Variants in TMEM207 observed in about 807,000 individuals in gnomAD.
TMEM207 encodes SRSR846.
Under a neutral mutation model 17.4 loss-of-function variants are expected in TMEM207, and 15 were observed. The ratio of observed to expected loss-of-function variants is 0.86; its 90% CI spans 0.58 to 1.33. TMEM207 has a LOEUF of 1.33. Ranked by LOEUF, TMEM207 falls within the 40% of genes most tolerant of loss-of-function variation. The pLI, the probability that TMEM207 is intolerant of heterozygous loss-of-function variation, is 0.00. For missense variants in TMEM207, 205 were observed against 173.8 expected, an observed-to-expected ratio of 1.18 and a Z score of -1.01; for synonymous variants, 70 against 65.6, an observed-to-expected ratio of 1.07 and a Z score of -0.33.
chr3:190,441,508 C>G, intron 2 of TMEM207, 26 bp from the exon 3 acceptor site: 1 of 1,597,074 alleles, frequency 6.3e-7, no homozygotes, highest in Admixed American at 1.7e-5. Flanking sequence ...GAGCGTTAGT[C>G]CTGGAACTCA....
At chr3:190,431,154 T>C (rs554728577) in intron 4 of TMEM207, among the ~76,000 whole-genome samples, 1 of 152,270 alleles carries the variant, frequency 6.6e-6, no homozygotes, top group South Asian at 2.1e-4. Context: ...TTAGCACTTT[T>C]CTTAGAGTTA....
intron 1 of TMEM207, among the ~76,000 whole-genome samples, chr3:190,448,106 T>C (rs1720089601): frequency 6.6e-6 from 1 of 152,160 alleles, no homozygotes. Flanking sequence ...GTTTTTTCTA[T>C]ATGCAGATTT....
At chr3:190,440,929 C>T (rs1349904250) in intron 3 of TMEM207, among the ~76,000 whole-genome samples, 1 of 152,122 alleles carries the variant, frequency 6.6e-6, no homozygotes, top group Non-Finnish European at 1.5e-5. Flanking sequence ...ATTAGCTGGG[C>T]GTGATGGCGG....
intron 4 of TMEM207, among the ~76,000 whole-genome samples, chr3:190,438,380 A>T (rs1719851167): frequency 6.6e-6 from 1 of 151,890 alleles, no homozygotes; most frequent in East Asian, 1.9e-4. Flanking sequence ...GTGCTAGCAC[A>T]TGCAGATTGC....
At position 190,441,403 on chromosome 3, in the gene TMEM207, A is replaced by G. The variant is rs1036251026; in HGVS notation, c.158+35T>C. ...TAGGACAAAGACTGTATATACCACC[A>G]ACTGTCATATAAAACAAATGGAAGA... On this transcript the variant is annotated intron_variant, in intron 3 of 4. Transcript: ENST00000354905. 1.9e-6 allele frequency: 3 copies of G among 1,540,260 alleles called. No homozygotes were observed. In the Admixed American group the frequency reaches 5.1e-5, roughly 26 times the overall value.
intron 2 of TMEM207, among the ~76,000 whole-genome samples, chr3:190,442,311 T>C (rs1719952923): frequency 6.6e-6 from 1 of 152,240 alleles, no homozygotes; most frequent in Non-Finnish European, 1.5e-5. Flanking sequence ...CACAGTCAGA[T>C]ACACTTCTGA....
intron 1 of TMEM207, 82 bp downstream of exon 1, chr3:190,449,653 C>CA: frequency 7.9e-7 from 1 of 1,272,090 alleles, no homozygotes; most frequent in African/African-American, 1.5e-5. Flanking sequence ...AAGTTGCTCA[C>CA]ATATAAATCT....
chr3:190,437,854 T>C (rs1036719845), intron 4 of TMEM207, among the ~76,000 whole-genome samples: 5 of 151,024 alleles, frequency 3.3e-5, no homozygotes, highest in African/African-American at 4.9e-5. Context: ...AACCCAAATG[T>C]CCAACAATGA....
At chr3:190,439,807 T>G (rs1349824063) in intron 4 of TMEM207, among the ~76,000 whole-genome samples, 2 of 152,206 alleles carry the variant, frequency 1.3e-5, no homozygotes, top group Non-Finnish European at 2.9e-5. Flanking sequence ...CGCAGACATC[T>G]GGAAAGTGTC....
intron 4 of TMEM207, among the ~76,000 whole-genome samples, chr3:190,432,802 G>A (rs146957815): frequency 4.2e-4 from 64 of 152,270 alleles, no homozygotes; most frequent in African/African-American, 1.5e-3. Context: ...ATAAGAAAGA[G>A]GGAAGATTAT....
rs573460054 is a variant in TMEM207 at position 190,441,542 on chromosome 3, C to T, written c.114-60G>A. The T allele has an allele frequency of 4.0e-5, 57 of 1,407,842 alleles. No individual in the cohort carries two copies. The South Asian group carries it at 6.0e-4, about 15-fold the overall frequency. 87.2% of individuals were successfully genotyped at this position (1,407,842 alleles called of 1,614,324 possible). On this transcript the variant is annotated intron_variant, in intron 2 of 4. Transcript: ENST00000354905. ...CAGGATAGCCAAAGCCTATTTCTTT[C>T]ACCCAATAAAATTGGTACTGATCAC... is the stretch of plus-strand genomic sequence containing the variant.
chr3:190,429,720 C>A lies in TMEM207; in HGVS notation c.316G>T (p.Ala106Ser). Residue 106 changes from alanine to serine, a missense_variant, in exon 5 of 5, where the codon GCT (alanine) becomes TCT (serine). Ala to Ser is a moderately conservative substitution (Grantham distance 99). Coordinates refer to ENST00000354905, the MANE Select transcript of TMEM207 (RefSeq NM_207316.3). ...DLDSIYGTEA[A>S]VSPTVGIHLQ... ...TGAATTCCAACAGTTGGACTCACAG[C>A]TGCTTCTGTCCCTGGAAAGAGAAAG... 1 of 1,606,080 alleles carries A rather than the reference C, an allele frequency of 6.2e-7. No individual in the cohort carries two copies. The highest frequency in any genetic ancestry group is 1.1e-5 in the South Asian group (1 of 89,664).
chr3:190,432,115 T>C (rs1289585089), intron 4 of TMEM207, among the ~76,000 whole-genome samples: 1 of 152,218 alleles, frequency 6.6e-6, no homozygotes, highest in Non-Finnish European at 1.5e-5. Flanking sequence ...ACAGAACTGC[T>C]CTCTAAGATA....
intron 2 of TMEM207, among the ~76,000 whole-genome samples, chr3:190,442,891 A>G (rs899355619): frequency 9.9e-5 from 15 of 152,210 alleles, no homozygotes; most frequent in African/African-American, 3.4e-4. Context: ...TTCTACAAGT[A>G]CAATGATTTC....
chr3:190,439,587 C>T (rs1577445494), intron 4 of TMEM207, among the ~76,000 whole-genome samples: 1 of 152,098 alleles, frequency 6.6e-6, no homozygotes, highest in Admixed American at 6.5e-5. Context: ...TTGTTTTTTT[C>T]TACTCACAGC....
At chr3:190,444,565 T>A in intron 2 of TMEM207, 2 of 510,692 alleles carry the variant, frequency 3.9e-6, no homozygotes, top group Non-Finnish European at 5.0e-6. Flanking sequence ...AGGCCAATAG[T>A]GAGATCAGTT....
intron 4 of TMEM207, among the ~76,000 whole-genome samples, chr3:190,439,526 A>C (rs1209430410): frequency 6.6e-6 from 1 of 152,222 alleles, no homozygotes; most frequent in Admixed American, 6.5e-5. Context: ...TTGAGCCAAT[A>C]CTTAAGATGA....
chr3:190,436,251 C>T (rs1030667603), intron 4 of TMEM207, among the ~76,000 whole-genome samples: 6 of 152,354 alleles, frequency 3.9e-5, no homozygotes, highest in African/African-American at 1.2e-4. Flanking sequence ...AATCTAGTCT[C>T]TCCATTAAAA....
At chr3:190,447,925 C>A (rs765172797) in intron 1 of TMEM207, 98 bp from the exon 2 acceptor site, 6 of 1,191,850 alleles carry the variant, frequency 5.0e-6, no homozygotes, top group Middle Eastern at 2.0e-4. Context: ...TATATCATTT[C>A]GTTTGCTTTT....
Sources: gnomAD v4.1 joint callset for allele counts (sites outside exome capture counted in the v4.1 genomes callset) on GRCh38, gnomAD v4.1.1 for gene constraint, MANE v1.5 for transcripts, NCBI Gene and HGNC (gene_info 2026-07-23, HGNC 2026-07-21) for gene names.